Variants in PDE7B observed in about 807,000 individuals in gnomAD.
PDE7B encodes the protein 3',5'-cyclic-AMP phosphodiesterase 7B.
A neutral mutation model predicts 56.2 loss-of-function variants in PDE7B; 29 were observed. The observed-to-expected ratio is 0.52, with a 90% confidence interval of 0.38 to 0.70. The LOEUF is 0.70. Ranked by LOEUF, PDE7B falls within the 30% of genes least tolerant of loss-of-function variation. The probability of loss-of-function intolerance (pLI) is 0.00; values close to 1 mark genes in which losing one functional copy is unlikely to be tolerated. For synonymous variants in PDE7B, 197 were observed against 196.9 expected, an observed-to-expected ratio of 1.00 and a Z score of 0.00; for missense variants, 490 against 565.0, an observed-to-expected ratio of 0.87 and a Z score of 1.35.
At chr6:135,876,820 C>T (rs186542446) in intron 1 of PDE7B, among the ~76,000 whole-genome samples, 2 of 152,044 alleles carry the variant, frequency 1.3e-5, no homozygotes, top group Admixed American at 1.3e-4. Flanking sequence ...GATTGCGCCA[C>T]TGCGCTCCAG....
intron 2 of PDE7B, among the ~76,000 whole-genome samples, chr6:136,036,814 A>T (rs547184372): frequency 1.0e-3 from 154 of 152,328 alleles, no homozygotes; most frequent in Non-Finnish European, 1.9e-3. Context: ...GGAAGATGGG[A>T]TTGTTACAAT....
At chr6:135,990,186 C>G (rs1583814705) in intron 2 of PDE7B, among the ~76,000 whole-genome samples, 2 of 151,536 alleles carry the variant, frequency 1.3e-5, no homozygotes, top group Non-Finnish European at 2.9e-5. Context: ...ACCTCCACCT[C>G]CTGGGCTCAA....
At chr6:135,882,591 A>G (rs878879768) in intron 1 of PDE7B, among the ~76,000 whole-genome samples, 3 of 152,192 alleles carry the variant, frequency 2.0e-5, no homozygotes, top group Admixed American at 2.0e-4. Context: ...GGATTACAGG[A>G]CTTTTTCCCT....
intron 1 of PDE7B, among the ~76,000 whole-genome samples, chr6:135,908,323 C>A (rs964896701): frequency 1.3e-5 from 2 of 151,822 alleles, no homozygotes; most frequent in Non-Finnish European, 2.9e-5. Flanking sequence ...CGTATCCCAA[C>A]CTCAGGTGAT....
At chr6:135,859,807 A>T (rs945843256) in intron 1 of PDE7B, among the ~76,000 whole-genome samples, 4 of 152,018 alleles carry the variant, frequency 2.6e-5, no homozygotes, top group African/African-American at 7.2e-5. Context: ...GTCTCCTTTA[A>T]TGTAAGTCTT....
At position 135,860,260 on chromosome 6, in the gene PDE7B, AG is replaced by A. The variant is rs540250633; in HGVS notation, c.21+8242del. Reference sequence around the variant, plus strand: ...AATGCAACTTCAGCTTTTTGCTGACAGTTTTTAATTGTTTTTATATGCTTAA... The same window carrying A: ...AATGCAACTTCAGCTTTTTGCTGACATTTTTAATTGTTTTTATATGCTTAA... On this transcript the variant is annotated intron_variant, in intron 1 of 12. Coordinates refer to ENST00000308191, the MANE Select transcript of PDE7B (RefSeq NM_018945.4). Among the ~76,000 whole-genome samples, 340 of 152,200 alleles carry A rather than the reference AG, an allele frequency of 2.2e-3. 3 individuals are homozygous for A. The highest frequency in any genetic ancestry group is 0.019 in the South Asian group (94 of 4,822).
intron 2 of PDE7B, among the ~76,000 whole-genome samples, chr6:135,974,564 GA>G (rs1358057991): frequency 6.6e-6 from 1 of 152,142 alleles, no homozygotes; most frequent in East Asian, 1.9e-4. Context: ...GGCTCAAACA[GA>G]AAAAACTTGG....
chr6:136,054,826 C>A (rs1776700957), intron 2 of PDE7B, among the ~76,000 whole-genome samples: 1 of 152,156 alleles, frequency 6.6e-6, no homozygotes, highest in African/African-American at 2.4e-5. Context: ...GAAGGAAAAG[C>A]AAAGGGACAT....
intron 2 of PDE7B, among the ~76,000 whole-genome samples, chr6:136,105,323 G>A (rs1045572632): frequency 3.9e-5 from 6 of 152,180 alleles, no homozygotes; most frequent in African/African-American, 1.2e-4. Flanking sequence ...ATGCTGACCT[G>A]TTTAACCAAT....
chr6:135,952,388 G>T (rs190695573), intron 2 of PDE7B, among the ~76,000 whole-genome samples: 2 of 152,226 alleles, frequency 1.3e-5, no homozygotes, highest in East Asian at 3.9e-4. Flanking sequence ...CTCCAGGGTA[G>T]AACGAGACCT....
At chr6:136,019,076 T>C (rs1776026941) in intron 2 of PDE7B, among the ~76,000 whole-genome samples, 1 of 152,044 alleles carries the variant, frequency 6.6e-6, no homozygotes, top group Admixed American at 6.6e-5. Context: ...ATATGCAAAT[T>C]ACTAAGTGGC....
At chr6:136,131,458 C>T (rs939225836) in intron 3 of PDE7B, among the ~76,000 whole-genome samples, 1 of 147,782 alleles carries the variant, frequency 6.8e-6, no homozygotes, top group African/African-American at 2.5e-5. Flanking sequence ...AAGGGTTAAA[C>T]ACAAGGCCTG....
At chr6:136,091,230 A>G (rs971369191) in intron 2 of PDE7B, among the ~76,000 whole-genome samples, 1 of 152,238 alleles carries the variant, frequency 6.6e-6, no homozygotes, top group Non-Finnish European at 1.5e-5. Flanking sequence ...AAATCAGAAT[A>G]TCTAATTGAA....
Position 135,889,995 on chromosome 6 carries a change from C to T in PDE7B, c.21+37976C>T, listed in dbSNP as rs964288068. 9.2e-5 allele frequency among the ~76,000 whole-genome samples: 14 copies of T among 152,052 alleles called. 1 individual carries two copies. The highest frequency in any genetic ancestry group is 3.9e-4 in the East Asian group (2 of 5,164). ...CTCGAACTCCTGACCTCAGGTTATCCGCCCACCTCAGCCTCCCAAAGTACT... is the reference window on the plus strand; with the variant it reads ...CTCGAACTCCTGACCTCAGGTTATCTGCCCACCTCAGCCTCCCAAAGTACT... On this transcript the variant is annotated intron_variant, in intron 1 of 12. Coordinates refer to ENST00000308191, the MANE Select transcript of PDE7B (RefSeq NM_018945.4).
At chr6:135,853,077 T>C (rs1774966419) in intron 1 of PDE7B, among the ~76,000 whole-genome samples, 1 of 152,190 alleles carries the variant, frequency 6.6e-6, no homozygotes, top group Non-Finnish European at 1.5e-5. Flanking sequence ...AAGTAATATA[T>C]GGTTACCATG....
chr6:136,017,160 C>T (rs923668370), intron 2 of PDE7B, among the ~76,000 whole-genome samples: 7 of 152,160 alleles, frequency 4.6e-5, no homozygotes, highest in Non-Finnish European at 7.3e-5. Flanking sequence ...GATTATTAAA[C>T]AGGAGTATAT....
At chr6:136,048,220 G>A (rs1224003725) in intron 2 of PDE7B, among the ~76,000 whole-genome samples, 7 of 152,124 alleles carry the variant, frequency 4.6e-5, no homozygotes, top group African/African-American at 1.7e-4. Context: ...TGGTAAAGGA[G>A]GTGTCAAGAA....
chr6:135,981,952 T>C (rs1263382347), intron 2 of PDE7B, among the ~76,000 whole-genome samples: 1 of 152,104 alleles, frequency 6.6e-6, no homozygotes, highest in African/African-American at 2.4e-5. Context: ...CCATAAACAG[T>C]GCGATGCACT....
intron 3 of PDE7B, among the ~76,000 whole-genome samples, chr6:136,141,787 AT>A (rs1778331727): frequency 6.6e-6 from 1 of 152,052 alleles, no homozygotes; most frequent in South Asian, 2.1e-4. Context: ...GGTAGTTTGT[AT>A]TTCTGTGGGA....
Sources: gnomAD v4.1 joint callset for allele counts (sites outside exome capture counted in the v4.1 genomes callset) on GRCh38, gnomAD v4.1.1 for gene constraint, MANE v1.5 for transcripts, NCBI Gene and HGNC (gene_info 2026-07-23, HGNC 2026-07-21) for gene names.